Variants in UGT1A7 observed in about 807,000 individuals in gnomAD.
UGT1A7 encodes the protein UDP glucuronosyltransferase family 1 member A7.
Under a neutral mutation model 45.6 loss-of-function variants are expected in UGT1A7, and 33 were observed. The observed-to-expected ratio is 0.72, with a 90% CI of 0.55 to 0.97. UGT1A7 has a LOEUF of 0.97. Ranked by LOEUF, UGT1A7 falls within the 50% of genes least tolerant of loss-of-function variation. UGT1A7 has a pLI of 0.00. For synonymous variants in UGT1A7, 274 were observed against 250.6 expected (o/e 1.09, Z -0.88); for missense variants, 684 against 666.2 (o/e 1.03, Z -0.29).
chr2:233,751,022 C>T (rs902181349), intron 1 of UGT1A7, among the ~76,000 whole-genome samples: 2 of 151,802 alleles, frequency 1.3e-5, no homozygotes, highest in Non-Finnish European at 2.9e-5. Flanking sequence ...ATAGTAGATC[C>T]AATAGCTTGC....
At chr2:233,758,159 G>T (rs1281366344) in intron 1 of UGT1A7, among the ~76,000 whole-genome samples, 1 of 152,206 alleles carries the variant, frequency 6.6e-6, no homozygotes, top group African/African-American at 2.4e-5. Context: ...AATGGGTTCT[G>T]CTTTGGTTTC....
intron 1 of UGT1A7, chr2:233,713,360 C>G: frequency 6.2e-7 from 1 of 1,614,162 alleles, no homozygotes; most frequent in Non-Finnish European, 8.5e-7. Flanking sequence ...TGTCTTTGAT[C>G]ATACATAGGT....
chr2:233,693,767 TTAAGA>T (rs774933475), intron 1 of UGT1A7: 32 of 1,614,128 alleles, frequency 2.0e-5, no homozygotes, highest in Non-Finnish European at 2.6e-5. Flanking sequence ...TGTTTGGCTG[TTAAGA>T]TATGACTTTG....
chr2:233,689,586 A>G (rs2074950565), intron 1 of UGT1A7, among the ~76,000 whole-genome samples: 1 of 152,230 alleles, frequency 6.6e-6, no homozygotes, highest in Non-Finnish European at 1.5e-5. Flanking sequence ...CAATTAGCTA[A>G]GGAAGAGAAG....
intron 1 of UGT1A7, chr2:233,713,616 C>A (rs749122240): frequency 7.4e-6 from 12 of 1,613,980 alleles, no homozygotes; most frequent in Middle Eastern, 3.3e-4. Context: ...GACATTCCTG[C>A]AAAGGGTCAA....
At chr2:233,693,014 C>A in intron 1 of UGT1A7, 1 of 1,614,140 alleles carries the variant, frequency 6.2e-7, no homozygotes, top group South Asian at 1.1e-5. Context: ...GATGGCCTGC[C>A]TCCTTCGCTC....
intron 1 of UGT1A7, among the ~76,000 whole-genome samples, chr2:233,736,717 T>A (rs954698353): frequency 4.0e-5 from 6 of 151,034 alleles, no homozygotes; most frequent in Non-Finnish European, 3.0e-5. Flanking sequence ...GATGTCCTTT[T>A]TGTTGATGTT....
intron 1 of UGT1A7, among the ~76,000 whole-genome samples, chr2:233,735,916 G>T (rs182665210): frequency 5.9e-5 from 9 of 152,142 alleles, no homozygotes; most frequent in Admixed American, 5.9e-4. Context: ...TGGGTAACCC[G>T]ACCTTTCTCT....
intron 1 of UGT1A7, among the ~76,000 whole-genome samples, chr2:233,763,457 A>G (rs1297743892): frequency 6.6e-6 from 1 of 152,174 alleles, no homozygotes; most frequent in African/African-American, 2.4e-5. Context: ...GCCTATTTGA[A>G]TCTAACAATT....
intron 1 of UGT1A7, among the ~76,000 whole-genome samples, chr2:233,756,540 G>A (rs1404409517): frequency 2.0e-5 from 3 of 152,048 alleles, no homozygotes; most frequent in African/African-American, 7.2e-5. Flanking sequence ...TTTCTTGACT[G>A]CTAAAACAAC....
chr2:233,748,198 C>G, intron 1 of UGT1A7: 1 of 1,535,946 alleles, frequency 6.5e-7, no homozygotes, highest in Non-Finnish European at 8.8e-7. Flanking sequence ...TTCTGCTTGT[C>G]GTAATAGCCT....
intron 1 of UGT1A7, chr2:233,740,670 G>C (rs915333505): frequency 4.0e-5 from 6 of 151,870 alleles, no homozygotes; most frequent in African/African-American, 1.5e-4. Flanking sequence ...AGGTACAGGT[G>C]TTTCCATGGA....
chr2:233,746,054 T>C (rs1380596465), intron 1 of UGT1A7, among the ~76,000 whole-genome samples: 1 of 151,656 alleles, frequency 6.6e-6, no homozygotes, highest in Non-Finnish European at 1.5e-5. Flanking sequence ...ATGCAGGGTC[T>C]AGAACGAAAA....
At chr2:233,733,708 A>C (rs1332027237) in intron 1 of UGT1A7, among the ~76,000 whole-genome samples, 1 of 152,236 alleles carries the variant, frequency 6.6e-6, no homozygotes, top group Middle Eastern at 3.2e-3. Flanking sequence ...TTTGGTTTGC[A>C]GAATTTTACT....
At chr2:233,686,829 CT>C (rs2074807252) in intron 1 of UGT1A7, among the ~76,000 whole-genome samples, 1 of 152,156 alleles carries the variant, frequency 6.6e-6, no homozygotes, top group South Asian at 2.1e-4. Flanking sequence ...TTTTATTCCT[CT>C]TTTCTATCTC....
chr2:233,745,956 G>A (rs1296712691), intron 1 of UGT1A7, among the ~76,000 whole-genome samples: 5 of 151,652 alleles, frequency 3.3e-5, no homozygotes, highest in Admixed American at 2.6e-4. Context: ...GCAACTGGGG[G>A]ACAGGGGCCC....
intron 1 of UGT1A7, among the ~76,000 whole-genome samples, chr2:233,731,282 T>C (rs1433914166): frequency 1.4e-5 from 2 of 144,984 alleles, no homozygotes; most frequent in African/African-American, 2.6e-5. Context: ...CAGTTTTTCT[T>C]TCTTTTTTTT....
rs1559415894 is a variant in UGT1A7, at chr2:233,768,434, C to CA, written c.1294dup (p.Ser432LysfsTer74). 6.2e-7 allele frequency: 1 copy of CA among 1,613,634 alleles called. No individual in the cohort carries two copies. The highest frequency in any genetic ancestry group is 1.1e-5 in the South Asian group (1 of 90,992). Reference sequence around the variant, plus strand: ...ATGCTCTAAAAGCAGTCATCAATGACAAAAGGTAAGAAAGAAGATACAGAA... The same window carrying CA: ...ATGCTCTAAAAGCAGTCATCAATGACAAAAAGGTAAGAAAGAAGATACAGAA... On this transcript the variant is annotated frameshift_variant, in exon 4 of 5. Transcript: ENST00000373426. LOFTEE classifies it high-confidence loss of function.
intron 1 of UGT1A7, among the ~76,000 whole-genome samples, chr2:233,739,926 A>G (rs1487240865): frequency 2.0e-5 from 3 of 151,650 alleles, no homozygotes; most frequent in Non-Finnish European, 4.4e-5. Context: ...CATAATCCCC[A>G]TGTGTTAAGG....
Sources: allele counts gnomAD v4.1 joint callset (sites outside exome capture counted in the v4.1 genomes callset), GRCh38; gene constraint gnomAD v4.1.1; transcripts MANE v1.5; gene names NCBI Gene and HGNC (gene_info 2026-07-23, HGNC 2026-07-21).